Variants in CAPS2 observed in about 807,000 individuals in gnomAD.
CAPS2 encodes the protein calcyphosine 2, also known as calcyphosin-2.
Under a neutral mutation model 86.5 loss-of-function variants are expected in CAPS2, and 98 were observed. That is an observed-to-expected ratio of 1.13 (90% confidence interval 0.96 to 1.34). CAPS2 has a LOEUF of 1.34. CAPS2 is among the 40% of genes most tolerant of loss of function. The pLI, the probability that CAPS2 is intolerant of heterozygous loss-of-function variation, is 0.00. For missense variants in CAPS2, 729 were observed against 686.8 expected (o/e 1.06, Z -0.69); for synonymous variants, 210 against 225.1 (o/e 0.93, Z 0.60).
At chr12:75,298,213 C>T (rs2037223453) in intron 11 of CAPS2, 1 of 160,390 alleles carries the variant, frequency 6.2e-6, no homozygotes, top group South Asian at 1.8e-4. Flanking sequence ...ATCCTTGTGA[C>T]ACACCACATG....
chr12:75,358,838 TATATA>T (rs928863181), intron 1 of CAPS2, among the ~76,000 whole-genome samples: 51 of 143,930 alleles, frequency 3.5e-4, no homozygotes, highest in African/African-American at 9.6e-4. Flanking sequence ...TATATAACAA[TATATA>T]ATATATTATA....
chr12:75,338,910 G>A (rs2041917105), intron 1 of CAPS2, among the ~76,000 whole-genome samples: 1 of 152,174 alleles, frequency 6.6e-6, no homozygotes, highest in South Asian at 2.1e-4. Flanking sequence ...CTCCATCCAT[G>A]TCCCTGCAAA....
At chr12:75,334,692 G>T (rs2041591068), upstream of CAPS2, 1 of 1,591,996 alleles carries the variant, frequency 6.3e-7, no homozygotes, top group Non-Finnish European at 8.6e-7. Flanking sequence ...ACTGGTCCGC[G>T]CAGTCAGGGC....
intron 14 of CAPS2, among the ~76,000 whole-genome samples, chr12:75,286,843 G>C (rs1320824466): frequency 1.3e-5 from 2 of 151,362 alleles, no homozygotes; most frequent in African/African-American, 4.8e-5. Context: ...GAGAAAAGGA[G>C]GAAGCATGCT....
chr12:75,297,833 C>T (rs1200711252), intron 11 of CAPS2, among the ~76,000 whole-genome samples: 1 of 152,118 alleles, frequency 6.6e-6, no homozygotes, highest in Admixed American at 6.5e-5. Flanking sequence ...GGAAGCTTTT[C>T]CCCACCCTAA....
intron 1 of CAPS2, among the ~76,000 whole-genome samples, chr12:75,357,832 G>A (rs924610466): frequency 2.0e-5 from 3 of 151,290 alleles, no homozygotes; most frequent in Non-Finnish European, 3.0e-5. Context: ...AAGAACATAC[G>A]GGATGCTATT....
At chr12:75,348,702 T>C (rs939894168) in intron 1 of CAPS2, among the ~76,000 whole-genome samples, 1 of 152,158 alleles carries the variant, frequency 6.6e-6, no homozygotes, top group Non-Finnish European at 1.5e-5. Context: ...AGATTTCTTA[T>C]GGGTCTTGTG....
rs376295573 is a variant in CAPS2, at chr12:75,377,049, ACTC to A, written c.-395+13786_-395+13788del. On this transcript the variant is annotated intron_variant, in intron 1 of 5. Transcript: ENST00000551829. ...AAGGTATTACGTATACAGTCACTAA[ACTC>A]CTTGTTTCTCAAGAGCATTGAATCA... Among the ~76,000 whole-genome samples, 241 of 152,262 alleles carry A rather than the reference ACTC, an allele frequency of 1.6e-3. 1 individual carries two copies. The highest frequency in any genetic ancestry group is 5.6e-3 in the African/African-American group (233 of 41,554).
intron 1 of CAPS2, among the ~76,000 whole-genome samples, chr12:75,376,196 A>G (rs2044638356): frequency 6.6e-6 from 1 of 152,210 alleles, no homozygotes; most frequent in South Asian, 2.1e-4. Flanking sequence ...ATAAACTATT[A>G]GAACTTTTTT....
chr12:75,362,466 A>G (rs1213745446), intron 1 of CAPS2, among the ~76,000 whole-genome samples: 2 of 152,156 alleles, frequency 1.3e-5, no homozygotes, highest in Non-Finnish European at 2.9e-5. Flanking sequence ...ATTGGTAGTG[A>G]CCAAAAACTT....
chr12:75,334,905 G>A (rs771209280), upstream of CAPS2: 27 of 1,612,998 alleles, frequency 1.7e-5, no homozygotes, highest in African/African-American at 2.7e-5. Context: ...AATACATGGT[G>A]AGAAAGAACC....
intron 8 of CAPS2, among the ~76,000 whole-genome samples, chr12:75,303,461 G>A (rs1431303400): frequency 6.6e-6 from 1 of 152,162 alleles, no homozygotes; most frequent in Admixed American, 6.5e-5. Context: ...AATAGTAACT[G>A]GGAGGCAGCA....
Position 75,347,697 on chromosome 12 carries a change from A to ATATTTG in CAPS2, c.-394-24481_-394-24476dup, listed in dbSNP as rs781276840. On this transcript the variant is annotated intron_variant, in intron 1 of 5. Coordinates refer to the CAPS2 transcript ENST00000551829. The stretch of plus-strand genomic sequence containing the variant: ...TAACCTTGGGGGAGCTTCAACTGCA[A>ATATTTG]TATTTGTATGCAACTACGGACCTGC... 3.8e-5 allele frequency: 61 copies of ATATTTG among 1,603,202 alleles called. No individual in the cohort carries two copies. The African/African-American group carries it at 7.1e-4, about 19-fold the overall frequency.
At chr12:75,301,251 A>T (rs540053661) in intron 8 of CAPS2, among the ~76,000 whole-genome samples, 2 of 152,346 alleles carry the variant, frequency 1.3e-5, no homozygotes, top group Admixed American at 1.3e-4. Context: ...TTAGTAAGTA[A>T]GTGTGTGGGT....
chr12:75,359,160 CACTT>C (rs1160244883), intron 1 of CAPS2, among the ~76,000 whole-genome samples: 2 of 150,280 alleles, frequency 1.3e-5, no homozygotes, highest in Non-Finnish European at 3.0e-5. Flanking sequence ...TGTATACTAA[CACTT>C]AACCAGAAAT....
intron 1 of CAPS2, among the ~76,000 whole-genome samples, chr12:75,350,437 G>A (rs1019227044): frequency 1.1e-4 from 16 of 152,198 alleles, no homozygotes; most frequent in Admixed American, 2.6e-4. Flanking sequence ...GCATACAGGA[G>A]CATTCTGGCG....
chr12:75,293,999 C>T (rs989551143), intron 11 of CAPS2, among the ~76,000 whole-genome samples: 1 of 152,168 alleles, frequency 6.6e-6, no homozygotes, highest in Non-Finnish European at 1.5e-5. Flanking sequence ...GTGTCACGAT[C>T]TCTGCTCACT....
intron 1 of CAPS2, among the ~76,000 whole-genome samples, chr12:75,377,037 T>C (rs778482325): frequency 6.6e-6 from 1 of 152,196 alleles, no homozygotes; most frequent in Non-Finnish European, 1.5e-5. Context: ...GTATTACGTA[T>C]ACAGTCACTA....
chr12:75,301,690 T>C (rs1234948023), intron 8 of CAPS2, among the ~76,000 whole-genome samples: 1 of 152,232 alleles, frequency 6.6e-6, no homozygotes, highest in Non-Finnish European at 1.5e-5. Flanking sequence ...GAAAAAACTT[T>C]GCTCTTAACC....
Sources: gnomAD v4.1 joint callset for allele counts (sites outside exome capture counted in the v4.1 genomes callset) on GRCh38, gnomAD v4.1.1 for gene constraint, MANE v1.5 for transcripts, NCBI Gene and HGNC (gene_info 2026-07-23, HGNC 2026-07-21) for gene names.